PMEPA1: variants seen among roughly 807,000 people sequenced by gnomAD.
PMEPA1 encodes protein TMEPAI.
In PMEPA1, 11 loss-of-function variants were observed where a neutral mutation model predicts 23.0. The observed-to-expected ratio is 0.48, with a 90% CI of 0.30 to 0.79. The LOEUF is 0.79. Ranked by LOEUF, PMEPA1 falls within the 30% of genes least tolerant of loss-of-function variation. The pLI is 0.06. For synonymous variants in PMEPA1, 204 were observed against 166.4 expected (o/e 1.23, Z -1.74); for missense variants, 377 against 390.9 (o/e 0.96, Z 0.30).
rs975015714 is a variant in PMEPA1 at position 57,682,410 on chromosome 20, A to T, written c.110-22713T>A. Reference sequence around the variant, plus strand: ...AAATGACAGCCCGCTGCCCTTGCATACCTAAGCACAAAGTCACTGGTAACT... The same window carrying T: ...AAATGACAGCCCGCTGCCCTTGCATTCCTAAGCACAAAGTCACTGGTAACT... On this transcript the variant is annotated intron_variant, in intron 1 of 3. Transcript: ENST00000341744. This position sits in a 1 kb window ranked among gnomAD's most constrained non-coding sequence, Gnocchi z 4.4. Among the ~76,000 whole-genome samples the T allele has an allele frequency of 1.3e-5, 2 of 152,094 alleles. No homozygotes were observed. Among genetic ancestry groups the T allele is most frequent in the African/African-American group, 4.8e-5 (2 of 41,408 alleles).
chr20:57,687,643 T>G (rs2071819020), intron 1 of PMEPA1, among the ~76,000 whole-genome samples: 1 of 152,148 alleles, frequency 6.6e-6, no homozygotes, highest in Non-Finnish European at 1.5e-5. Context: ...CATGGGGTGG[T>G]TGACCTGAAA....
intron 2 of PMEPA1, among the ~76,000 whole-genome samples, chr20:57,654,746 G>C (rs1326561278): frequency 6.6e-6 from 1 of 152,162 alleles, no homozygotes; most frequent in East Asian, 1.9e-4. Context: ...TCCATGTGCA[G>C]ACAGTCCATC....
intron 1 of PMEPA1, chr20:57,690,325 T>C (rs1437113403): frequency 7.8e-6 from 5 of 644,290 alleles, no homozygotes; most frequent in Non-Finnish European, 5.2e-6. Context: ...CCCCCACCAC[T>C]GCCACCCGCC....
rs545499223 is a variant in PMEPA1, at chr20:57,656,811, C to G, written c.264+2732G>C. On this transcript the variant is annotated intron_variant, in intron 2 of 3. Transcript: ENST00000341744. The surrounding 1 kb of genome is among the most constrained non-coding windows in gnomAD (Gnocchi z 4.7). Reference sequence around the variant, plus strand: ...GGTCACCCTGAAAAGGGGCCATGGTCGGATAGCCATGCCAGGGGCAGAGCA... The same window carrying G: ...GGTCACCCTGAAAAGGGGCCATGGTGGGATAGCCATGCCAGGGGCAGAGCA... Among the ~76,000 whole-genome samples the G allele has an allele frequency of 3.3e-5, 5 of 152,180 alleles. No individual in the cohort carries two copies. Among genetic ancestry groups the G allele is most frequent in the Non-Finnish European group, 5.9e-5 (4 of 68,034 alleles).
At chr20:57,675,762 TTTGA>T (rs1376319869) in intron 1 of PMEPA1, among the ~76,000 whole-genome samples, 2 of 152,162 alleles carry the variant, frequency 1.3e-5, no homozygotes, top group Non-Finnish European at 2.9e-5. Flanking sequence ...GCCTCCCACC[TTTGA>T]TTGTTTGGGG....
intron 1 of PMEPA1, among the ~76,000 whole-genome samples, chr20:57,670,847 A>C (rs1226200026): frequency 1.3e-5 from 2 of 152,064 alleles, no homozygotes. Flanking sequence ...GCAGAACCCC[A>C]TTCATTTCCG....
At chr20:57,694,618 C>T (rs547591312) in intron 1 of PMEPA1, among the ~76,000 whole-genome samples, 27 of 152,292 alleles carry the variant, frequency 1.8e-4, no homozygotes, top group Middle Eastern at 3.4e-3. Flanking sequence ...GAGTCATGCA[C>T]CCTTGGGCAA....
At chr20:57,690,301 A>G in intron 1 of PMEPA1, 1 of 642,650 alleles carries the variant, frequency 1.6e-6, no homozygotes, top group Non-Finnish European at 2.6e-6. Flanking sequence ...GGCCGGGCCC[A>G]GTGCCTGCAC....
chr20:57,702,258 T>C (rs2072021763), intron 1 of PMEPA1, among the ~76,000 whole-genome samples: 2 of 152,198 alleles, frequency 1.3e-5, no homozygotes, highest in African/African-American at 4.8e-5. Context: ...TGTCTAGTGA[T>C]GTCCCCTATC....
At chr20:57,657,223 C>T (rs1261488965) in intron 2 of PMEPA1, among the ~76,000 whole-genome samples, 1 of 152,170 alleles carries the variant, frequency 6.6e-6, no homozygotes, top group Non-Finnish European at 1.5e-5. Flanking sequence ...AGCTTCAACC[C>T]ACTGTGGAGA....
chr20:57,700,592 G>C (rs1386841600), intron 1 of PMEPA1, among the ~76,000 whole-genome samples: 1 of 152,186 alleles, frequency 6.6e-6, no homozygotes, highest in Admixed American at 6.5e-5. Context: ...GTTCGTGGAG[G>C]TCACAATCAA....
chr20:57,670,379 C>T (rs1037471456), intron 1 of PMEPA1, among the ~76,000 whole-genome samples: 3 of 151,876 alleles, frequency 2.0e-5, no homozygotes, highest in South Asian at 2.1e-4. Flanking sequence ...TCTCACCACC[C>T]GGCCTCAAGC....
chr20:57,663,631 C>T (rs1307568471), intron 1 of PMEPA1, among the ~76,000 whole-genome samples: 1 of 152,230 alleles, frequency 6.6e-6, no homozygotes, highest in African/African-American at 2.4e-5. Context: ...CCCTGGAGGG[C>T]TCCCTGTAAG....
rs762911863 is a variant in PMEPA1 at position 57,649,302 on chromosome 20, C to T, written c.*2751G>A. On this transcript the variant is annotated 3_prime_UTR_variant, in exon 4 of 4. Coordinates refer to ENST00000341744, the MANE Select transcript of PMEPA1 (RefSeq NM_020182.5). The stretch of plus-strand genomic sequence containing the variant: ...AAGGGTGCACCCTCAGCAGAGAAGC[C>T]GAGAGCTTAACTCTGGTCGTTTCCA... 3 of 152,174 alleles carry T rather than the reference C, an allele frequency of 2.0e-5. No homozygotes were observed. Among genetic ancestry groups the T allele is most frequent in the African/African-American group, 2.4e-5 (1 of 41,428 alleles). The allele number at this position is 152,174 out of a possible 1,614,324, so 9.4% of individuals were successfully genotyped here. A position where few individuals can be genotyped will look rare whatever the true frequency, so the allele number is the denominator to read the frequency against.
rs1259581541 is a variant in PMEPA1, at chr20:57,700,083, A to G, written c.109+9391T>C. 2.8e-5 allele frequency: 13 copies of G among 471,140 alleles called. No individual in the cohort carries two copies. The East Asian group carries it at 9.0e-4, about 33-fold the overall frequency. The allele number at this position is 471,140 out of a possible 1,614,324, so 29.2% of individuals were successfully genotyped here. A position where few individuals can be genotyped will look rare whatever the true frequency, so the allele number is the denominator to read the frequency against. On this transcript the variant is annotated intron_variant, in intron 1 of 3. Coordinates refer to ENST00000341744, the MANE Select transcript of PMEPA1 (RefSeq NM_020182.5). ...CTGGATTTGTCACTTTCATGCTCCC[A>G]AAGCCAGTGATGGAACTGGCCCCTC...
chr20:57,708,095 G>GTTATTTTTACC (rs1290284347), intron 1 of PMEPA1, among the ~76,000 whole-genome samples: 7 of 152,062 alleles, frequency 4.6e-5, no homozygotes, highest in Non-Finnish European at 7.3e-5. Context: ...GGCCAGCCTG[G>GTTATTTTTACC]TTATTTTTAC....
chr20:57,651,847 CTTTT>C lies in PMEPA1; in HGVS notation c.*202_*205del, dbSNP rs764733297. The C allele has an allele frequency of 1.1e-5, 3 of 267,746 alleles. No homozygotes were observed. The highest frequency in any genetic ancestry group is 5.4e-5 in the African/African-American group (2 of 37,102). 16.6% of individuals were successfully genotyped at this position (267,746 alleles called of 1,614,324 possible). On this transcript the variant is annotated 3_prime_UTR_variant, in exon 4 of 4. Coordinates refer to ENST00000341744, the MANE Select transcript of PMEPA1 (RefSeq NM_020182.5). ...ACAAAGAAACGTGGTTTTTTTTTTTCTTTTTTCTTTTTTTTTTTGCAAGCTCTCT... is the reference window on the plus strand; with the variant it reads ...ACAAAGAAACGTGGTTTTTTTTTTTCTTCTTTTTTTTTTTGCAAGCTCTCT...
upstream of PMEPA1, chr20:57,710,635 G>A (rs1298364718): frequency 1.7e-6 from 1 of 603,994 alleles, no homozygotes; most frequent in Non-Finnish European, 2.8e-6. Flanking sequence ...GTCGGGGACT[G>A]GTGTATTGTC....
At chr20:57,657,008 C>T (rs1355284012) in intron 2 of PMEPA1, among the ~76,000 whole-genome samples, 5 of 152,192 alleles carry the variant, frequency 3.3e-5, no homozygotes, top group Admixed American at 1.3e-4. Context: ...CCAGGCATCC[C>T]GGGCGGCTGT....
Sources: gnomAD v4.1 joint callset for allele counts (sites outside exome capture counted in the v4.1 genomes callset) on GRCh38, gnomAD v4.1.1 for gene constraint, Gnocchi (gnomAD v3.1) non-coding constraint, MANE v1.5 for transcripts, NCBI Gene and HGNC (gene_info 2026-07-23, HGNC 2026-07-21) for gene names.